Variants in NRXN3 observed in about 807,000 individuals in gnomAD.
NRXN3 encodes the protein neurexin III.
In NRXN3, 32 loss-of-function variants were observed where a neutral mutation model predicts 137.6. That is an observed-to-expected ratio of 0.23 (90% confidence interval 0.18 to 0.31). The LOEUF (loss-of-function observed/expected upper bound fraction) is 0.31. Among genes scored for constraint, NRXN3 ranks in the 10% least tolerant of loss-of-function variants. NRXN3 has a pLI of 1.00. For missense variants in NRXN3, 1,574 were observed against 2,062.5 expected (o/e 0.76, Z 4.59); for synonymous variants, 798 against 784.5 (o/e 1.02, Z -0.29).
intron 10 of NRXN3, among the ~76,000 whole-genome samples, chr14:78,952,775 T>A (rs2099389507): frequency 6.6e-6 from 1 of 152,232 alleles, no homozygotes; most frequent in Non-Finnish European, 1.5e-5. Context: ...ATCAAGTTAC[T>A]GTTTCATTTA....
At chr14:79,327,431 C>G (rs755178557) in intron 15 of NRXN3, among the ~76,000 whole-genome samples, 6 of 152,206 alleles carry the variant, frequency 3.9e-5, no homozygotes, top group Non-Finnish European at 5.9e-5. Flanking sequence ...CTAACACCAT[C>G]TACATGGCCA....
chr14:79,237,225 G>C (rs1203987951), intron 15 of NRXN3, among the ~76,000 whole-genome samples: 2 of 152,074 alleles, frequency 1.3e-5, no homozygotes, highest in South Asian at 2.1e-4. Flanking sequence ...GATTGGATAA[G>C]AGGCAGACAC....
At chr14:79,803,479 C>A (rs942322434) in intron 19 of NRXN3, among the ~76,000 whole-genome samples, 1 of 152,110 alleles carries the variant, frequency 6.6e-6, no homozygotes, top group Non-Finnish European at 1.5e-5. Flanking sequence ...ATATGGCCTT[C>A]CTCCCACTGG....
chr14:79,836,137 C>T (rs981152271), intron 20 of NRXN3, among the ~76,000 whole-genome samples: 4 of 152,236 alleles, frequency 2.6e-5, no homozygotes, highest in African/African-American at 7.2e-5. Flanking sequence ...TGCAGTTATT[C>T]CTCTCAAAGT....
Position 78,281,976 on chromosome 14 carries a change from A to G in NRXN3, c.727+3314A>G, listed in dbSNP as rs374469316. Among the ~76,000 whole-genome samples, 14 of 152,212 alleles carry G rather than the reference A, an allele frequency of 9.2e-5. No homozygotes were observed. In the East Asian group the frequency reaches 1.7e-3, roughly 19 times the overall value. On this transcript the variant is annotated intron_variant, in intron 3 of 20. Transcript: ENST00000335750. The stretch of plus-strand genomic sequence containing the variant: ...ACAGAGCTTAACCTCAAAAATCTCT[A>G]TTGAACAAGAAGTATGGCCACAAGC...
At chr14:79,557,018 T>G (rs2097436405) in intron 16 of NRXN3, among the ~76,000 whole-genome samples, 1 of 151,652 alleles carries the variant, frequency 6.6e-6, no homozygotes, top group South Asian at 2.1e-4. Context: ...ATCCACACAA[T>G]TAGCAAACTT....
chr14:79,318,470 G>A (rs2089350208), intron 15 of NRXN3, among the ~76,000 whole-genome samples: 1 of 152,174 alleles, frequency 6.6e-6, no homozygotes, highest in African/African-American at 2.4e-5. Flanking sequence ...GGTGAGGAAT[G>A]TTATAAAAAA....
intron 10 of NRXN3, among the ~76,000 whole-genome samples, chr14:78,918,386 C>G (rs945810521): frequency 6.8e-6 from 1 of 146,754 alleles, no homozygotes; most frequent in African/African-American, 2.5e-5. Context: ...CATAATAAAA[C>G]GAATAATGAA....
chr14:79,124,484 T>C (rs952073575), intron 15 of NRXN3, among the ~76,000 whole-genome samples: 2 of 152,184 alleles, frequency 1.3e-5, no homozygotes, highest in Non-Finnish European at 2.9e-5. Context: ...TGTGTGTGCT[T>C]GCATGCCAGT....
chr14:79,239,836 A>T (rs963339591), intron 15 of NRXN3, among the ~76,000 whole-genome samples: 1 of 152,158 alleles, frequency 6.6e-6, no homozygotes, highest in African/African-American at 2.4e-5. Flanking sequence ...CTTAAACAAG[A>T]AAGAATTTCT....
At chr14:79,490,738 T>A (rs926165231) in intron 16 of NRXN3, among the ~76,000 whole-genome samples, 10 of 151,938 alleles carry the variant, frequency 6.6e-5, no homozygotes, top group African/African-American at 2.4e-4. Flanking sequence ...AAGGAATGAA[T>A]AAAACTTATC....
intron 4 of NRXN3, among the ~76,000 whole-genome samples, chr14:78,580,685 A>T (rs1013322512): frequency 2.6e-5 from 4 of 152,208 alleles, no homozygotes; most frequent in African/African-American, 9.6e-5. Context: ...GCTTGTGGAA[A>T]TGAATCTCAA....
intron 15 of NRXN3, among the ~76,000 whole-genome samples, chr14:79,199,140 C>T (rs2065561194): frequency 6.6e-6 from 1 of 151,816 alleles, no homozygotes. Flanking sequence ...GCGCTCCAGC[C>T]TGGGCGACAG....
chr14:78,977,869 A>G (rs562164861), intron 14 of NRXN3, among the ~76,000 whole-genome samples: 28 of 152,288 alleles, frequency 1.8e-4, no homozygotes, highest in Non-Finnish European at 1.3e-4. Context: ...GAGTACTAAT[A>G]AAACCAACAC....
intron 15 of NRXN3, among the ~76,000 whole-genome samples, chr14:79,092,645 T>G (rs1300345711): frequency 1.3e-5 from 2 of 152,230 alleles, no homozygotes; most frequent in South Asian, 2.1e-4. Context: ...TTGCTGAAGC[T>G]TCTTTCTCAA....
chr14:78,326,836 G>T (rs917082714), intron 4 of NRXN3, among the ~76,000 whole-genome samples: 14 of 151,726 alleles, frequency 9.2e-5, no homozygotes, highest in Non-Finnish European at 1.9e-4. Flanking sequence ...GAGACATGCA[G>T]TGTGTGTAAT....
chr14:78,192,880 T>C (rs1199407058), intron 1 of NRXN3, among the ~76,000 whole-genome samples: 2 of 152,182 alleles, frequency 1.3e-5, no homozygotes, highest in African/African-American at 2.4e-5. Context: ...ACCAGTACTT[T>C]CAATTTCTTC....
intron 10 of NRXN3, among the ~76,000 whole-genome samples, chr14:78,847,971 T>A (rs888216041): frequency 7.2e-5 from 11 of 152,048 alleles, no homozygotes; most frequent in African/African-American, 2.7e-4. Flanking sequence ...GTTCTCAAGA[T>A]ATTTGGGGCA....
intron 15 of NRXN3, among the ~76,000 whole-genome samples, chr14:79,071,829 G>T (rs2099688253): frequency 6.6e-6 from 1 of 152,104 alleles, no homozygotes; most frequent in Non-Finnish European, 1.5e-5. Flanking sequence ...AGCATAATTG[G>T]ATTGCTTGTA....
Sources: allele counts gnomAD v4.1 joint callset (sites outside exome capture counted in the v4.1 genomes callset), GRCh38; gene constraint gnomAD v4.1.1; transcripts MANE v1.5; gene names NCBI Gene and HGNC (gene_info 2026-07-23, HGNC 2026-07-21).